Variants in PTPRA observed in about 807,000 individuals in gnomAD.
PTPRA encodes the protein protein tyrosine phosphatase receptor type A.
PTPRA carries 25 observed loss-of-function variants against 104.8 expected under a neutral mutation model. That is an observed-to-expected ratio of 0.24 (90% CI 0.17 to 0.33). The LOEUF (loss-of-function observed/expected upper bound fraction) is 0.33, where lower values mean the gene tolerates loss of function less well. PTPRA is among the 10% of genes least tolerant of loss of function. The pLI is 1.00. For missense variants in PTPRA, 765 were observed against 1,015.3 expected, an observed-to-expected ratio of 0.75 and a Z score of 3.35; for synonymous variants, 323 against 368.9, an observed-to-expected ratio of 0.88 and a Z score of 1.43.
At position 2,990,562 on chromosome 20, in the gene PTPRA, A is replaced by G. The variant is rs573450068; in HGVS notation, c.738+2088A>G. Among the ~76,000 whole-genome samples, 15 of 152,194 alleles carry G rather than the reference A, an allele frequency of 9.9e-5. No individual in the cohort carries two copies. In the South Asian group the frequency reaches 3.1e-3, roughly 32 times the overall value. ...GGTGAAACCCCATCTCTACAACAAC[A>G]ACAACAACAAAATACAAAAATTAGC... is the stretch of plus-strand genomic sequence containing the variant. On this transcript the variant is annotated intron_variant, in intron 9 of 23. Coordinates refer to ENST00000399903, the MANE Select transcript of PTPRA (RefSeq NM_001385305.1).
chr20:3,015,943 G>GT, intron 12 of PTPRA, 58 bp downstream of exon 12: 1 of 1,493,148 alleles, frequency 6.7e-7, no homozygotes, highest in Non-Finnish European at 9.3e-7. Context: ...AATGGGTTTG[G>GT]TTTTTTTCTC....
chr20:2,900,591 C>T (rs1178220817), intron 1 of PTPRA, among the ~76,000 whole-genome samples: 1 of 151,798 alleles, frequency 6.6e-6, no homozygotes, highest in Admixed American at 6.6e-5. Flanking sequence ...CGTGGTGGCT[C>T]ATGCCTGTAA....
At chr20:2,924,827 C>T (rs1227615722) in intron 2 of PTPRA, among the ~76,000 whole-genome samples, 6 of 151,998 alleles carry the variant, frequency 3.9e-5, no homozygotes, top group East Asian at 1.9e-4. Flanking sequence ...ATTACAGACA[C>T]GCGCCACCAC....
At chr20:2,967,543 C>T (rs188601674) in intron 5 of PTPRA, among the ~76,000 whole-genome samples, 1 of 152,096 alleles carries the variant, frequency 6.6e-6, no homozygotes. Flanking sequence ...TTAATACTTA[C>T]CTTATTTTTT....
intron 1 of PTPRA, among the ~76,000 whole-genome samples, chr20:2,876,780 A>C (rs1270601766): frequency 6.6e-6 from 1 of 152,202 alleles, no homozygotes; most frequent in African/African-American, 2.4e-5. Context: ...GGGGGGTTGT[A>C]CCAATTTATC....
chr20:3,022,556 G>A lies in PTPRA; in HGVS notation c.1329-133G>A. On this transcript the variant is annotated intron_variant, in intron 15 of 23. Coordinates refer to ENST00000399903, the MANE Select transcript of PTPRA (RefSeq NM_001385305.1). The surrounding 1 kb of genome is among the most constrained non-coding windows in gnomAD (Gnocchi z 4.6). ...CATACTGGAGTTGTTGGCTCCTGGA[G>A]AGCCCCAGCTCTACCCCATTCAGAA... 1 of 1,285,882 alleles carries A rather than the reference G, an allele frequency of 7.8e-7. No individual in the cohort carries two copies. The highest frequency in any genetic ancestry group is 1.1e-6 in the Non-Finnish European group (1 of 937,670). 79.7% of individuals were successfully genotyped at this position (1,285,882 alleles called of 1,614,324 possible).
chr20:3,015,010 C>A (rs991228332), intron 11 of PTPRA, among the ~76,000 whole-genome samples: 3 of 152,236 alleles, frequency 2.0e-5, no homozygotes, highest in African/African-American at 7.2e-5. Context: ...TCTTGTCCCC[C>A]ACTGCCTGTG....
intron 9 of PTPRA, among the ~76,000 whole-genome samples, chr20:2,992,260 T>C (rs2063207535): frequency 6.6e-6 from 1 of 152,178 alleles, no homozygotes; most frequent in Admixed American, 6.5e-5. Context: ...CTCATGCCTG[T>C]AATCCCTGCA....
At chr20:3,007,539 C>A in intron 11 of PTPRA, 119 bp downstream of exon 11, 1 of 1,181,816 alleles carries the variant, frequency 8.5e-7, no homozygotes, top group Non-Finnish European at 1.2e-6. Context: ...CCTGACAAGT[C>A]TGGTTTTTTT....
At chr20:2,926,656 A>G (rs976488614) in intron 2 of PTPRA, among the ~76,000 whole-genome samples, 1 of 151,744 alleles carries the variant, frequency 6.6e-6, no homozygotes, top group Non-Finnish European at 1.5e-5. Flanking sequence ...ACAAAACAAA[A>G]CAAACCCATA....
chr20:3,005,083 A>T lies in PTPRA; in HGVS notation c.766A>T (p.Thr256Ser). 1 of 1,611,318 alleles carries T rather than the reference A, an allele frequency of 6.2e-7. No homozygotes were observed. Among genetic ancestry groups the T allele is most frequent in the Non-Finnish European group, 8.5e-7 (1 of 1,177,478 alleles). The change falls in exon 10 of 24, where the codon ACC becomes TCC. Residue 256 changes from threonine to serine, a missense_variant. By Grantham distance (58) the Thr-to-Ser change is moderately conservative. This residue lies in a region of PTPRA where 245 missense variants were observed against 398.7 expected (regional missense o/e 0.61). Coordinates refer to ENST00000399903, the MANE Select transcript of PTPRA (RefSeq NM_001385305.1). ...NALPACPIQA[T>S]CEAASKEENK... ...TCTCCCTGCATGTCCTATCCAGGCC[A>T]CCTGTGAGGCTGCTTCCAAGGAGGA... is the stretch of plus-strand genomic sequence containing the variant.
chr20:2,947,598 G>A (rs1356554827), intron 2 of PTPRA, among the ~76,000 whole-genome samples: 6 of 152,068 alleles, frequency 3.9e-5, no homozygotes, highest in Non-Finnish European at 7.4e-5. Context: ...GTCTCCACAG[G>A]CATTGTGAAA....
At chr20:2,891,103 C>T (rs1021435829) in intron 1 of PTPRA, among the ~76,000 whole-genome samples, 13 of 152,162 alleles carry the variant, frequency 8.5e-5, no homozygotes, top group African/African-American at 3.1e-4. Flanking sequence ...GAATGTTGTT[C>T]ATCTGGTTGG....
At chr20:2,876,770 G>T (rs1342401091) in intron 1 of PTPRA, among the ~76,000 whole-genome samples, 3 of 152,148 alleles carry the variant, frequency 2.0e-5, no homozygotes, top group African/African-American at 2.4e-5. Context: ...ACCCGTTTCT[G>T]GGGGGTTGTA....
intron 1 of PTPRA, among the ~76,000 whole-genome samples, chr20:2,884,955 G>T (rs1278006583): frequency 6.6e-6 from 1 of 151,766 alleles, no homozygotes; most frequent in Non-Finnish European, 1.5e-5. Context: ...GACTACAGGC[G>T]CCCCCCACCA....
chr20:2,896,149 G>A (rs965894911), intron 1 of PTPRA, among the ~76,000 whole-genome samples: 5 of 151,958 alleles, frequency 3.3e-5, no homozygotes, highest in Middle Eastern at 3.4e-3. Context: ...CTGAGGCAGG[G>A]GGATCACTTG....
chr20:2,999,131 A>G (rs542111551), intron 9 of PTPRA, among the ~76,000 whole-genome samples: 63 of 152,274 alleles, frequency 4.1e-4, no homozygotes, highest in Non-Finnish European at 7.8e-4. Context: ...GCCAATTACA[A>G]TAGCATCCAA....
chr20:2,971,159 C>A (rs919543350), intron 5 of PTPRA, among the ~76,000 whole-genome samples: 1 of 152,030 alleles, frequency 6.6e-6, no homozygotes, highest in Non-Finnish European at 1.5e-5. Flanking sequence ...ATTTTGTTAG[C>A]AATTCTTATT....
chr20:2,953,063 G>A (rs1342714599), intron 3 of PTPRA, among the ~76,000 whole-genome samples: 1 of 152,028 alleles, frequency 6.6e-6, no homozygotes, highest in Non-Finnish European at 1.5e-5. Context: ...TTTTGAGTAT[G>A]TTCCCAAAAG....
Sources: gnomAD v4.1 joint callset for allele counts (sites outside exome capture counted in the v4.1 genomes callset) on GRCh38, gnomAD v4.1.1 for gene constraint, gnomAD v4.1.1 regional missense constraint, Gnocchi (gnomAD v3.1) non-coding constraint, MANE v1.5 for transcripts, NCBI Gene and HGNC (gene_info 2026-07-23, HGNC 2026-07-21) for gene names.